XIRP2: variants seen among roughly 807,000 people sequenced by gnomAD.
XIRP2 encodes the protein xin actin binding repeat containing 2.
Under a neutral mutation model 277.0 loss-of-function variants are expected in XIRP2, and 236 were observed. The ratio of observed to expected loss-of-function variants is 0.85; its 90% CI spans 0.77 to 0.95. XIRP2 has a LOEUF of 0.95. XIRP2 is among the 40% of genes least tolerant of loss of function. XIRP2 has a pLI of 0.00. For synonymous variants in XIRP2, 1,490 were observed against 1,416.5 expected (o/e 1.05, Z -1.17); for missense variants, 4,640 against 4,157.5 (o/e 1.12, Z -3.19).
chr2:167,164,785 C>G (rs967575812), intron 3 of XIRP2, among the ~76,000 whole-genome samples: 7 of 149,794 alleles, frequency 4.7e-5, no homozygotes, highest in Admixed American at 4.6e-4. Flanking sequence ...GGAGATTTGC[C>G]ATACACCACT....
At chr2:167,127,101 G>A (rs1452428965) in intron 2 of XIRP2, among the ~76,000 whole-genome samples, 1 of 152,082 alleles carries the variant, frequency 6.6e-6, no homozygotes, top group Non-Finnish European at 1.5e-5. Flanking sequence ...GCCCAAATTT[G>A]GGCATATTGG....
At chr2:166,915,388 C>T (rs181811145) in intron 2 of XIRP2, among the ~76,000 whole-genome samples, 391 of 150,724 alleles carry the variant, frequency 2.6e-3, no homozygotes, top group Middle Eastern at 6.9e-3. Flanking sequence ...TGCTTCAATT[C>T]ATATTTTCTG....
At chr2:167,154,314 T>C (rs1365408828) in intron 3 of XIRP2, among the ~76,000 whole-genome samples, 3 of 151,306 alleles carry the variant, frequency 2.0e-5, no homozygotes, top group Admixed American at 1.3e-4. Flanking sequence ...ATTAGCCCTT[T>C]GTCAGATGAG....
chr2:167,001,109 A>G (rs1687355953), intron 2 of XIRP2, among the ~76,000 whole-genome samples: 1 of 152,204 alleles, frequency 6.6e-6, no homozygotes, highest in African/African-American at 2.4e-5. Context: ...CTTAACAATT[A>G]TATACTAAGT....
chr2:166,963,750 A>C (rs1164298085), intron 2 of XIRP2, among the ~76,000 whole-genome samples: 1 of 151,836 alleles, frequency 6.6e-6, no homozygotes, highest in African/African-American at 2.4e-5. Flanking sequence ...CATGGGAATG[A>C]AGTCAGAGAG....
rs557121690 is a variant in XIRP2, at chr2:167,253,336, A to G, written c.10556-696A>G. Among the ~76,000 whole-genome samples, 6 of 152,028 alleles carry G rather than the reference A, an allele frequency of 3.9e-5. No homozygotes were observed. In the East Asian group the frequency reaches 9.8e-4, roughly 25 times the overall value. On this transcript the variant is annotated intron_variant, in intron 9 of 10. Transcript: ENST00000409195. ...AGGTGCTTTAGAGGAGCAAGAAAAGATGTAGGAAAACTACATAAGCAGATG... is the reference window on the plus strand; with the variant it reads ...AGGTGCTTTAGAGGAGCAAGAAAAGGTGTAGGAAAACTACATAAGCAGATG...
rs1223504821 is a variant in XIRP2 at position 166,903,696 on chromosome 2, A to G, written c.214A>G (p.Ser72Gly). Residue 72 changes from serine (S) to glycine (G), a missense_variant, in exon 2 of 11, where the codon AGT becomes GGT. By Grantham distance (56) the Ser-to-Gly change is moderately conservative (BLOSUM62 0). Coordinates refer to ENST00000409195, the MANE Select transcript of XIRP2 (RefSeq NM_152381.6). ...CTACAGTACAGGGGAAGAGATGTGG[A>G]GTTCGAAGCCGGAAGAGAAGGATTC... Reference protein sequence around the residue: ...LPYSTGEEMWSSKPEEKDSVD... With the variant: ...LPYSTGEEMWGSKPEEKDSVD... The G allele has an allele frequency of 1.9e-6, 3 of 1,613,554 alleles. No individual in the cohort carries two copies. The African/African-American group carries it at 4.0e-5, about 22-fold the overall frequency.
At chr2:167,016,574 CAA>C (rs1287617911) in intron 2 of XIRP2, among the ~76,000 whole-genome samples, 2 of 151,944 alleles carry the variant, frequency 1.3e-5, no homozygotes, top group Non-Finnish European at 2.9e-5. Context: ...TTGACTTATT[CAA>C]ACAGTCTGTA....
chr2:166,963,560 G>T (rs1249617785), intron 2 of XIRP2, among the ~76,000 whole-genome samples: 1 of 151,850 alleles, frequency 6.6e-6, no homozygotes, highest in Non-Finnish European at 1.5e-5. Context: ...TCTAAGAAAA[G>T]ATATTTGAGC....
intron 2 of XIRP2, among the ~76,000 whole-genome samples, chr2:167,104,929 G>A (rs1167497756): frequency 6.6e-6 from 1 of 151,872 alleles, no homozygotes; most frequent in Non-Finnish European, 1.5e-5. Context: ...GCAGATGATC[G>A]AATCATCCAA....
chr2:167,159,447 A>C (rs975025382), intron 3 of XIRP2, among the ~76,000 whole-genome samples: 1 of 152,166 alleles, frequency 6.6e-6, no homozygotes, highest in Admixed American at 6.5e-5. Context: ...ACAAGGATAC[A>C]TTTTTTATTC....
chr2:167,064,165 A>G (rs977204807), intron 2 of XIRP2, among the ~76,000 whole-genome samples: 1 of 151,846 alleles, frequency 6.6e-6, no homozygotes, highest in Non-Finnish European at 1.5e-5. Flanking sequence ...TTTAATATTC[A>G]TATGCATTTT....
intron 2 of XIRP2, among the ~76,000 whole-genome samples, chr2:167,011,926 T>C (rs1226038065): frequency 6.6e-6 from 1 of 152,140 alleles, no homozygotes; most frequent in Non-Finnish European, 1.5e-5. Context: ...ATATTCCCTT[T>C]ATCATTTTTT....
At chr2:166,902,799 A>G (rs1684416195) in intron 1 of XIRP2, among the ~76,000 whole-genome samples, 1 of 152,004 alleles carries the variant, frequency 6.6e-6, no homozygotes, top group Admixed American at 6.6e-5. Context: ...ATGTATTTCA[A>G]ATCCAGGCTT....
intron 2 of XIRP2, among the ~76,000 whole-genome samples, chr2:167,130,868 T>TG (rs1691353660): frequency 2.0e-5 from 3 of 152,002 alleles, no homozygotes; most frequent in Admixed American, 2.0e-4. Flanking sequence ...AAACTAGAAC[T>TG]ATGGAGAGTT....
chr2:167,231,016 A>G (rs1337654474), intron 5 of XIRP2, among the ~76,000 whole-genome samples: 1 of 152,112 alleles, frequency 6.6e-6, no homozygotes, highest in Non-Finnish European at 1.5e-5. Flanking sequence ...TAGTGCAATT[A>G]CAAATTATTA....
At position 167,136,029 on chromosome 2, in the gene XIRP2, T is replaced by A; in HGVS notation, c.529T>A (p.Ser177Thr). The A allele has an allele frequency of 6.2e-7, 1 of 1,609,918 alleles. No homozygotes were observed. The highest frequency in any genetic ancestry group is 1.1e-5 in the South Asian group (1 of 90,536). The change falls in exon 3 of 11, where the codon TCA (serine) becomes ACA (threonine). Residue 177 changes from serine to threonine, a missense_variant. Physicochemically the swap from Ser to Thr is moderately conservative, Grantham distance 58. Transcript: ENST00000409195. ...CAAGGAAACATCTTTTGACAAGATG[T>A]CACCTGAAAGTGGTCACAGCCGCAT... ...KGKETSFDKMSPESGHSRIFE... is the reference protein window; with the variant it reads ...KGKETSFDKMTPESGHSRIFE...
At chr2:167,175,152 C>T (rs760058037) in intron 3 of XIRP2, among the ~76,000 whole-genome samples, 1 of 152,028 alleles carries the variant, frequency 6.6e-6, no homozygotes, top group African/African-American at 2.4e-5. Context: ...CTTTCTGTCT[C>T]GTTGATCTGT....
intron 2 of XIRP2, among the ~76,000 whole-genome samples, chr2:167,055,286 T>C (rs1460376027): frequency 6.6e-6 from 1 of 152,062 alleles, no homozygotes; most frequent in African/African-American, 2.4e-5. Context: ...TAGGTGAAGG[T>C]AGAAAAATCA....
Sources: allele counts gnomAD v4.1 joint callset (sites outside exome capture counted in the v4.1 genomes callset), GRCh38; gene constraint gnomAD v4.1.1; transcripts MANE v1.5; gene names NCBI Gene and HGNC (gene_info 2026-07-23, HGNC 2026-07-21).